Variants in CHRM3 observed in about 807,000 individuals in gnomAD.
CHRM3 encodes the protein cholinergic receptor muscarinic 3, also known as muscarinic acetylcholine receptor M3.
CHRM3 carries 11 observed loss-of-function variants against 41.8 expected under a neutral mutation model. The observed-to-expected ratio is 0.26, with a 90% CI of 0.17 to 0.44. CHRM3 has a LOEUF of 0.44. Ranked by LOEUF, CHRM3 falls within the 20% of genes least tolerant of loss-of-function variation. The pLI is 1.00. For synonymous variants in CHRM3, 297 were observed against 301.4 expected, an observed-to-expected ratio of 0.99 and a Z score of 0.15; for missense variants, 571 against 745.4, an observed-to-expected ratio of 0.77 and a Z score of 2.72.
chr1:239,913,822 T>A lies in CHRM3; in HGVS notation c.*4598T>A, dbSNP rs746481706. 6.0e-6 allele frequency: 1 copy of A among 167,080 alleles called. No individual in the cohort carries two copies. Among genetic ancestry groups the A allele is most frequent in the South Asian group, 2.1e-4 (1 of 4,824 alleles). 10.3% of individuals were successfully genotyped at this position (167,080 alleles called of 1,614,324 possible). ...TAGTATTATTAGGCACACATCACGT[T>A]CACAGCTTCGCGCAGAGACGGATAG... On this transcript the variant is annotated 3_prime_UTR_variant, in exon 7 of 7. Transcript: ENST00000676153.
intron 5 of CHRM3, among the ~76,000 whole-genome samples, chr1:239,751,099 G>A (rs768042286): frequency 2.6e-5 from 4 of 152,084 alleles, no homozygotes; most frequent in African/African-American, 4.8e-5. Context: ...TTAGCCAGGT[G>A]TGTTGGCGAG....
chr1:239,821,374 G>A (rs1291022840), intron 5 of CHRM3, among the ~76,000 whole-genome samples: 1 of 152,180 alleles, frequency 6.6e-6, no homozygotes, highest in Non-Finnish European at 1.5e-5. Context: ...CTACAAGGCA[G>A]GGCAAAACCA....
At chr1:239,494,283 C>T (rs1054214243) in intron 2 of CHRM3, among the ~76,000 whole-genome samples, 3 of 152,042 alleles carry the variant, frequency 2.0e-5, no homozygotes, top group African/African-American at 7.2e-5. Flanking sequence ...GCTTTCATTG[C>T]CGTCTGCTGG....
chr1:239,415,256 A>G (rs915140122), intron 1 of CHRM3, among the ~76,000 whole-genome samples: 1 of 152,176 alleles, frequency 6.6e-6, no homozygotes, highest in African/African-American at 2.4e-5. Flanking sequence ...CCTGGCCAAC[A>G]TGGTGAAACT....
At chr1:239,793,657 C>T (rs1669517244) in intron 5 of CHRM3, among the ~76,000 whole-genome samples, 1 of 152,170 alleles carries the variant, frequency 6.6e-6, no homozygotes, top group Non-Finnish European at 1.5e-5. Context: ...GAAAACATTT[C>T]ACCTGCTAGG....
At chr1:239,811,948 A>C (rs1671150618) in intron 5 of CHRM3, among the ~76,000 whole-genome samples, 1 of 152,244 alleles carries the variant, frequency 6.6e-6, no homozygotes, top group African/African-American at 2.4e-5. Context: ...ACATGGAAAA[A>C]GGCAGAAGGC....
chr1:239,871,797 C>T (rs942928335), intron 6 of CHRM3, among the ~76,000 whole-genome samples: 12 of 152,126 alleles, frequency 7.9e-5, no homozygotes, highest in African/African-American at 2.9e-4. Flanking sequence ...ATCTCTTAAC[C>T]TGGGATAGTT....
intron 1 of CHRM3, among the ~76,000 whole-genome samples, chr1:239,423,633 T>C (rs951855540): frequency 6.6e-6 from 1 of 152,136 alleles, no homozygotes; most frequent in African/African-American, 2.4e-5. Context: ...CAGAAAAGAT[T>C]CTAAGGTAGG....
chr1:239,554,192 A>G (rs1660127155), intron 3 of CHRM3, among the ~76,000 whole-genome samples: 2 of 152,228 alleles, frequency 1.3e-5, no homozygotes, highest in South Asian at 4.1e-4. Context: ...GAAGATAATT[A>G]TGATGTTGTG....
intron 6 of CHRM3, among the ~76,000 whole-genome samples, chr1:239,838,695 TG>T (rs1237058474): frequency 1.3e-5 from 2 of 152,198 alleles, no homozygotes; most frequent in Non-Finnish European, 2.9e-5. Flanking sequence ...CCTTCAGACC[TG>T]GGGAATTTCC....
At chr1:239,508,845 G>A (rs535915263) in intron 2 of CHRM3, among the ~76,000 whole-genome samples, 10 of 152,160 alleles carry the variant, frequency 6.6e-5, no homozygotes, top group South Asian at 4.2e-4. Context: ...GTCTCTTTAC[G>A]TATTCTTTAA....
intron 5 of CHRM3, chr1:239,705,753 G>A (rs1661097062): frequency 6.6e-6 from 1 of 152,058 alleles, no homozygotes; most frequent in Admixed American, 6.6e-5. Flanking sequence ...TGACGTTTAG[G>A]CTGGCAGATA....
chr1:239,427,442 A>C (rs560114258), intron 1 of CHRM3, among the ~76,000 whole-genome samples: 31 of 152,234 alleles, frequency 2.0e-4, no homozygotes, highest in African/African-American at 7.5e-4. Context: ...GTGGGACCTT[A>C]GCCTCAGTAG....
intron 1 of CHRM3, among the ~76,000 whole-genome samples, chr1:239,484,117 A>G (rs1667038888): frequency 6.6e-6 from 1 of 151,986 alleles, no homozygotes; most frequent in African/African-American, 2.4e-5. Context: ...CTATAATTGA[A>G]TACCTGAGAC....
intron 4 of CHRM3, among the ~76,000 whole-genome samples, chr1:239,656,458 T>TA (rs200663014): frequency 0.081 from 11,113 of 137,422 alleles, 809 homozygotes; most frequent in African/African-American, 0.19. Flanking sequence ...TCATCTCTGC[T>TA]AAAAAAAAAA....
At chr1:239,469,646 T>G (rs1238229332) in intron 1 of CHRM3, among the ~76,000 whole-genome samples, 1 of 152,118 alleles carries the variant, frequency 6.6e-6, no homozygotes, top group Non-Finnish European at 1.5e-5. Flanking sequence ...AACCTCTGCC[T>G]CCCGAGTTCA....
intron 4 of CHRM3, among the ~76,000 whole-genome samples, chr1:239,675,175 G>C (rs1041095828): frequency 3.3e-5 from 5 of 152,168 alleles, no homozygotes; most frequent in African/African-American, 9.7e-5. Context: ...CACCCTGTGA[G>C]TTTTCTTGTG....
At chr1:239,674,340 A>T (rs1162221461) in intron 4 of CHRM3, among the ~76,000 whole-genome samples, 1 of 152,126 alleles carries the variant, frequency 6.6e-6, no homozygotes, top group East Asian at 1.9e-4. Context: ...TGCAAATGTC[A>T]TCTTCATTTT....
At chr1:239,750,895 G>C (rs1316938226) in intron 5 of CHRM3, among the ~76,000 whole-genome samples, 1 of 152,054 alleles carries the variant, frequency 6.6e-6, no homozygotes, top group African/African-American at 2.4e-5. Flanking sequence ...TTTAACACCA[G>C]TTATCTCCTG....
Sources: allele counts gnomAD v4.1 joint callset (sites outside exome capture counted in the v4.1 genomes callset), GRCh38; gene constraint gnomAD v4.1.1; transcripts MANE v1.5; gene names NCBI Gene and HGNC (gene_info 2026-07-23, HGNC 2026-07-21).